Variants in FTCDNL1 observed in about 807,000 individuals in gnomAD.
FTCDNL1 encodes the protein formiminotransferase N-terminal subdomain-containing protein.
FTCDNL1 carries 11 observed loss-of-function variants against 5.9 expected under a neutral mutation model. The ratio of observed to expected loss-of-function variants is 1.87; its 90% CI spans 1.18 to 3.10. FTCDNL1 has a LOEUF of 3.10. FTCDNL1 is among the 30% of genes most tolerant of loss of function. The pLI is 0.00. For synonymous variants in FTCDNL1, 58 were observed against 24.8 expected, an observed-to-expected ratio of 2.34 and a Z score of -3.99; for missense variants, 115 against 65.5, an observed-to-expected ratio of 1.76 and a Z score of -2.61.
rs138347065 is a variant in FTCDNL1, at chr2:199,810,907, C to T, written c.*1798G>A. ...GATGTCAGCATCCATCAGAGAAATG[C>T]CTTCTGGGTTCACTTTTCCCTAGAC... On this transcript the variant is annotated 3_prime_UTR_variant, in exon 5 of 5. Transcript: ENST00000420128. 3.9e-5 allele frequency among the ~76,000 whole-genome samples: 6 copies of T among 152,264 alleles called. No individual in the cohort carries two copies. The East Asian group carries it at 1.2e-3, about 29-fold the overall frequency.
intron 3 of FTCDNL1, 69 bp from the exon 4 acceptor site, chr2:199,819,826 A>AT (rs955636163): frequency 4.6e-6 from 3 of 652,772 alleles, no homozygotes; most frequent in East Asian, 2.7e-5. Context: ...AAAGCATATA[A>AT]TTTTTTTGCT....
intron 3 of FTCDNL1, among the ~76,000 whole-genome samples, chr2:199,796,234 A>G (rs1700164366): frequency 6.6e-6 from 1 of 152,228 alleles, no homozygotes; most frequent in Admixed American, 6.5e-5. Context: ...CACGGTGACA[A>G]TAAAACAATG....
chr2:199,777,429 A>G (rs973944142), intron 3 of FTCDNL1, among the ~76,000 whole-genome samples: 8 of 152,172 alleles, frequency 5.3e-5, no homozygotes, highest in African/African-American at 1.4e-4. Flanking sequence ...CTCAAATCTG[A>G]AAGTGGTTTG....
chr2:199,801,137 G>T (rs969142244), intron 3 of FTCDNL1, among the ~76,000 whole-genome samples: 2 of 152,184 alleles, frequency 1.3e-5, no homozygotes, highest in African/African-American at 4.8e-5. Flanking sequence ...TGCTTTGTGA[G>T]TCACAGCACT....
intron 3 of FTCDNL1, among the ~76,000 whole-genome samples, chr2:199,835,027 G>A (rs1032458612): frequency 2.0e-5 from 3 of 151,894 alleles, no homozygotes; most frequent in Non-Finnish European, 4.4e-5. Flanking sequence ...AAAATTTAAA[G>A]ATTAGCTGGA....
At chr2:199,835,188 A>C (rs1276249974) in intron 3 of FTCDNL1, among the ~76,000 whole-genome samples, 2 of 152,176 alleles carry the variant, frequency 1.3e-5, no homozygotes, top group African/African-American at 4.8e-5. Flanking sequence ...AAAATAAATA[A>C]ATAAATCAAA....
At chr2:199,691,028 A>G in the FTCDNL1 span, among the ~76,000 whole-genome samples, 6 of 152,270 alleles carry the variant, frequency 3.9e-5, no homozygotes, top group Admixed American at 3.9e-4. Context: ...CCAAAAGCTA[A>G]GAAATAAAAA....
intron 3 of FTCDNL1, among the ~76,000 whole-genome samples, chr2:199,771,662 A>T (rs1400957543): frequency 6.6e-6 from 1 of 152,242 alleles, no homozygotes; most frequent in Admixed American, 6.5e-5. Context: ...CATTTAGCTC[A>T]TTAAGTAAAA....
At chr2:199,747,905 G>C in the FTCDNL1 span, among the ~76,000 whole-genome samples, 1 of 152,038 alleles carries the variant, frequency 6.6e-6, no homozygotes, top group African/African-American at 2.4e-5. Flanking sequence ...TTCTTGGCCT[G>C]GGAACCTCTG....
the FTCDNL1 span, among the ~76,000 whole-genome samples, chr2:199,706,133 A>G: frequency 6.6e-6 from 1 of 152,188 alleles, no homozygotes; most frequent in Admixed American, 6.5e-5. Flanking sequence ...CTGCCAAAAG[A>G]GTGATACCTC....
intron 3 of FTCDNL1, among the ~76,000 whole-genome samples, chr2:199,763,093 C>G (rs62178285): frequency 0.044 from 6,653 of 152,284 alleles, 162 homozygotes; most frequent in Non-Finnish European, 0.058. Flanking sequence ...AGTAACAACA[C>G]ATTACTATCT....
At chr2:199,708,617 CT>C in the FTCDNL1 span, among the ~76,000 whole-genome samples, 1 of 152,194 alleles carries the variant, frequency 6.6e-6, no homozygotes, top group South Asian at 2.1e-4. Context: ...CTATAGCAGC[CT>C]TTTCTCCAGG....
the FTCDNL1 span, among the ~76,000 whole-genome samples, chr2:199,716,191 T>C: frequency 6.6e-6 from 1 of 152,166 alleles, no homozygotes; most frequent in African/African-American, 2.4e-5. Flanking sequence ...AAAAATGTAT[T>C]AATTTTCTTG....
At chr2:199,802,227 A>G (rs535522500) in intron 3 of FTCDNL1, among the ~76,000 whole-genome samples, 16 of 152,312 alleles carry the variant, frequency 1.1e-4, no homozygotes, top group African/African-American at 2.9e-4. Flanking sequence ...CATATTACCC[A>G]GGACTTACTA....
At chr2:199,746,475 C>A in the FTCDNL1 span, among the ~76,000 whole-genome samples, 1 of 152,056 alleles carries the variant, frequency 6.6e-6, no homozygotes, top group South Asian at 2.1e-4. Context: ...TGCCATGGTG[C>A]CAGCTAGGCA....
At chr2:199,738,992 A>T in the FTCDNL1 span, among the ~76,000 whole-genome samples, 1 of 152,374 alleles carries the variant, frequency 6.6e-6, no homozygotes, top group East Asian at 1.9e-4. Context: ...AGGCGTTGCA[A>T]TAAATTCTCA....
chr2:199,750,124 C>T, the FTCDNL1 span, among the ~76,000 whole-genome samples: 1 of 151,586 alleles, frequency 6.6e-6, no homozygotes, highest in Admixed American at 6.6e-5. Flanking sequence ...GAGGCTGAGG[C>T]AGGTGGAACT....
intron 3 of FTCDNL1, among the ~76,000 whole-genome samples, chr2:199,802,631 T>C (rs1700514829): frequency 6.6e-6 from 1 of 152,206 alleles, no homozygotes; most frequent in Non-Finnish European, 1.5e-5. Flanking sequence ...CTCTGGGTCC[T>C]ATGGCTGACT....
intron 3 of FTCDNL1, among the ~76,000 whole-genome samples, chr2:199,827,959 C>G (rs1702133763): frequency 6.6e-6 from 1 of 151,970 alleles, no homozygotes; most frequent in Non-Finnish European, 1.5e-5. Context: ...TCTAATGAAG[C>G]AAGAAAATGA....
Sources: allele counts gnomAD v4.1 joint callset (sites outside exome capture counted in the v4.1 genomes callset), GRCh38; gene constraint gnomAD v4.1.1; transcripts MANE v1.5; gene names NCBI Gene and HGNC (gene_info 2026-07-23, HGNC 2026-07-21).